Variants in SNAP29 observed in about 807,000 individuals in gnomAD.
The protein encoded by SNAP29 is synaptosome associated protein 29.
SNAP29 carries 13 observed loss-of-function variants against 27.9 expected under a neutral mutation model. That is an observed-to-expected ratio of 0.47 (90% CI 0.30 to 0.74). The LOEUF (loss-of-function observed/expected upper bound fraction) is 0.74. SNAP29 is among the 30% of genes least tolerant of loss of function. The pLI is 0.06. For synonymous variants in SNAP29, 119 were observed against 127.1 expected (o/e 0.94, Z 0.43); for missense variants, 368 against 336.5 (o/e 1.09, Z -0.73).
chr22:20,861,195 A>G (rs1362527196), intron 1 of SNAP29, among the ~76,000 whole-genome samples: 1 of 139,964 alleles, frequency 7.1e-6, no homozygotes, highest in Non-Finnish European at 1.5e-5. Context: ...TTGGCTCACT[A>G]CAGCCTCCGC....
At chr22:20,863,478 C>T (rs1356963856) in intron 1 of SNAP29, among the ~76,000 whole-genome samples, 1 of 152,176 alleles carries the variant, frequency 6.6e-6, no homozygotes, top group African/African-American at 2.4e-5. Flanking sequence ...TGCCCTTCTC[C>T]TACTGTGAAA....
intron 2 of SNAP29, among the ~76,000 whole-genome samples, chr22:20,876,864 T>C (rs1440630086): frequency 6.6e-6 from 1 of 152,200 alleles, no homozygotes; most frequent in African/African-American, 2.4e-5. Context: ...ATCAAACTTC[T>C]GTTCAGTCAT....
chr22:20,868,264 A>G (rs1928507030), intron 1 of SNAP29, among the ~76,000 whole-genome samples: 1 of 152,172 alleles, frequency 6.6e-6, no homozygotes, highest in Non-Finnish European at 1.5e-5. Flanking sequence ...CTATCCAGAA[A>G]ACATCTTTTT....
rs947412288 is a variant in SNAP29 at position 20,887,224 on chromosome 22, CA to C, written c.620-441del. Among the ~76,000 whole-genome samples, 764 of 104,496 alleles carry C rather than the reference CA, an allele frequency of 7.3e-3. 9 individuals are homozygous for C. Among genetic ancestry groups the C allele is most frequent in the South Asian group, 0.06 (197 of 3,310 alleles). The allele number at this position is 104,496 out of a possible 152,430, so 68.6% of individuals were successfully genotyped here. On this transcript the variant is annotated intron_variant, in intron 4 of 4. Transcript: ENST00000215730. ...TGGACAAAAGAGCAAAATGCTGTCT[CA>C]AAAAAAAAAAAAACAAAAAACTGAT...
chr22:20,865,099 A>T (rs1178439984), intron 1 of SNAP29, among the ~76,000 whole-genome samples: 2 of 152,192 alleles, frequency 1.3e-5, no homozygotes, highest in Non-Finnish European at 2.9e-5. Flanking sequence ...TCACACCTGT[A>T]ATCCTAGCAC....
At chr22:20,875,130 G>A (rs1340411915) in intron 2 of SNAP29, among the ~76,000 whole-genome samples, 1 of 152,086 alleles carries the variant, frequency 6.6e-6, no homozygotes. Context: ...TGAAAACTCA[G>A]GGGCTTCCCA....
At chr22:20,883,430 T>A (rs1251365197) in intron 3 of SNAP29, 41 bp from the exon 4 acceptor site, 26 of 1,261,830 alleles carry the variant, frequency 2.1e-5, no homozygotes, top group Non-Finnish European at 3.0e-5. Flanking sequence ...TTTGAAGGAA[T>A]GTCAATTAAC....
rs114777578 is a variant in SNAP29, at chr22:20,868,496, C to T, written c.238-1841C>T. The stretch of plus-strand genomic sequence containing the variant: ...CAAGGACTCAGGTTACACATTGATT[C>T]CTTAAGGACTTTAAGGAAGCCACAA... On this transcript the variant is annotated intron_variant, in intron 1 of 4. Coordinates refer to ENST00000215730, the MANE Select transcript of SNAP29 (RefSeq NM_004782.4). Among the ~76,000 whole-genome samples the T allele has an allele frequency of 4.5e-3, 690 of 152,288 alleles. 5 individuals are homozygous for T. The highest frequency in any genetic ancestry group is 0.016 in the African/African-American group (662 of 41,560).
intron 4 of SNAP29, among the ~76,000 whole-genome samples, chr22:20,884,009 C>G (rs1259740093): frequency 6.6e-6 from 1 of 152,158 alleles, no homozygotes; most frequent in Non-Finnish European, 1.5e-5. Flanking sequence ...TTTGGCCACA[C>G]AGCCTCCAGC....
At chr22:20,874,383 A>G (rs1198241484) in intron 2 of SNAP29, among the ~76,000 whole-genome samples, 1 of 101,784 alleles carries the variant, frequency 9.8e-6, no homozygotes, top group Non-Finnish European at 2.1e-5. Flanking sequence ...ACACACACAC[A>G]CACACACACA....
At position 20,887,794 on chromosome 22, in the gene SNAP29, T is replaced by C. The variant is rs533259895; in HGVS notation, c.735T>C (p.Asp245=). The part of the protein sequence containing the change: ...DRLTTKVDKL[D]VNIKSTERKV... ...TGACAACCAAAGTGGACAAGTTAGA[T>C]GTCAACATAAAAAGCACAGAAAGAA... Residue 245 remains aspartate, a synonymous_variant, in exon 5 of 5, where the codon GAT becomes GAC. Coordinates refer to ENST00000215730, the MANE Select transcript of SNAP29 (RefSeq NM_004782.4). The C allele has an allele frequency of 6.2e-7, 1 of 1,614,152 alleles. No individual in the cohort carries two copies. Among genetic ancestry groups the C allele is most frequent in the South Asian group, 1.1e-5 (1 of 91,080 alleles).
At chr22:20,881,911 T>C (rs1208371016) in intron 3 of SNAP29, among the ~76,000 whole-genome samples, 1 of 152,152 alleles carries the variant, frequency 6.6e-6, no homozygotes, top group Non-Finnish European at 1.5e-5. Flanking sequence ...GGAGTTACAA[T>C]TGCTAATCAG....
At position 20,890,362 on chromosome 22, in the gene SNAP29, C is replaced by A; in HGVS notation, c.*2526C>A. On this transcript the variant is annotated 3_prime_UTR_variant, in exon 5 of 5. Coordinates refer to ENST00000215730, the MANE Select transcript of SNAP29 (RefSeq NM_004782.4). ...GACTGTGGGATGGGATTTGGTACTG[C>A]AGACAGATTTTGATTTCCACAGTTG... 2 of 398,620 alleles carry A rather than the reference C, an allele frequency of 5.0e-6. No individual in the cohort carries two copies. The highest frequency in any genetic ancestry group is 4.4e-6 in the Non-Finnish European group (1 of 226,086). 24.7% of individuals were successfully genotyped at this position (398,620 alleles called of 1,614,324 possible).
In SNAP29 at chr22:20,881,261, T is replaced by C; in HGVS notation, c.520+127T>C. The C allele has an allele frequency of 6.9e-6, 5 of 719,990 alleles. No homozygotes were observed. The South Asian group carries it at 7.5e-5, about 11-fold the overall frequency. 44.6% of individuals were successfully genotyped at this position (719,990 alleles called of 1,614,324 possible). The stretch of plus-strand genomic sequence containing the variant: ...TGGGCAGGGGCCCCAGCTGCTGGCA[T>C]CACCCATGCTAGCCAAAGGGCCTTA... On this transcript the variant is annotated intron_variant, in intron 3 of 4. Transcript: ENST00000215730.
Position 20,887,718 on chromosome 22 carries a change from C to T in SNAP29, c.659C>T (p.Ala220Val). 6.2e-7 allele frequency: 1 copy of T among 1,614,164 alleles called. No homozygotes were observed. The highest frequency in any genetic ancestry group is 1.6e-4 in the Middle Eastern group (1 of 6,062). Residue 220 changes from alanine (A) to valine (V), a missense_variant, in exon 5 of 5, where the codon GCC becomes GTC. Transcript: ENST00000215730. ...GGACTGGGTCGTCTGAAGGACATAG[C>T]CCTGGGGATGCAGACAGAAATTGAG... is the stretch of plus-strand genomic sequence containing the variant. ...SMGLGRLKDI[A>V]LGMQTEIEEQ...
intron 2 of SNAP29, among the ~76,000 whole-genome samples, chr22:20,880,332 T>C (rs1928860622): frequency 6.6e-6 from 1 of 152,012 alleles, no homozygotes; most frequent in African/African-American, 2.4e-5. Context: ...ACCCCATCTC[T>C]ACTGAAAATA....
chr22:20,861,116 T>G, intron 1 of SNAP29, among the ~76,000 whole-genome samples: 1 of 118,754 alleles, frequency 8.4e-6, no homozygotes, highest in East Asian at 2.5e-4. Context: ...CACCTCCCTG[T>G]GGTTTTTTTT....
rs1043394935 is a variant in SNAP29 at position 20,888,110 on chromosome 22, T to G, written c.*274T>G. ...GGCCCTGCATATCTTGGGCGTTTGA[T>G]TACCATGCTGGAATAAGAAGAGTTG... On this transcript the variant is annotated 3_prime_UTR_variant, in exon 5 of 5. Transcript: ENST00000215730. 22 of 445,982 alleles carry G rather than the reference T, an allele frequency of 4.9e-5. No individual in the cohort carries two copies. Among genetic ancestry groups the G allele is most frequent in the Non-Finnish European group, 9.1e-5 (22 of 241,384 alleles). The allele number at this position is 445,982 out of a possible 1,614,324, so 27.6% of individuals were successfully genotyped here. A position where few individuals can be genotyped will look rare whatever the true frequency, so the allele number is the denominator to read the frequency against.
At chr22:20,882,949 A>G (rs1928921664) in intron 3 of SNAP29, among the ~76,000 whole-genome samples, 1 of 152,170 alleles carries the variant, frequency 6.6e-6, no homozygotes, top group Non-Finnish European at 1.5e-5. Flanking sequence ...AGAAGAAACT[A>G]AAAGTTCAAG....
Sources: allele counts gnomAD v4.1 joint callset (sites outside exome capture counted in the v4.1 genomes callset), GRCh38; gene constraint gnomAD v4.1.1; transcripts MANE v1.5; gene names NCBI Gene and HGNC (gene_info 2026-07-23, HGNC 2026-07-21).